MEAF6: variants seen among roughly 807,000 people sequenced by gnomAD.
MEAF6 encodes MYST/Esa1 associated factor 6.
Under a neutral mutation model 28.9 loss-of-function variants are expected in MEAF6, and 15 were observed. The ratio of observed to expected loss-of-function variants is 0.52; its 90% CI spans 0.35 to 0.80. The LOEUF (loss-of-function observed/expected upper bound fraction) is 0.80, where lower values mean the gene tolerates loss of function less well. Ranked by LOEUF, MEAF6 falls within the 30% of genes least tolerant of loss-of-function variation. The pLI, the probability that MEAF6 is intolerant of heterozygous loss-of-function variation, is 0.01. For missense variants in MEAF6, 178 were observed against 237.5 expected (o/e 0.75, Z 1.65); for synonymous variants, 97 against 88.7 (o/e 1.09, Z -0.53).
intron 4 of MEAF6, among the ~76,000 whole-genome samples, chr1:37,506,139 C>T (rs1384931007): frequency 2.6e-5 from 4 of 152,008 alleles, no homozygotes; most frequent in East Asian, 1.9e-4. Flanking sequence ...GGCATGGTGG[C>T]GCGTGCCTGT....
Position 37,510,322 on chromosome 1 carries a change from C to T in MEAF6, c.207-780G>A, listed in dbSNP as rs187266881. On this transcript the variant is annotated intron_variant, in intron 2 of 6. Coordinates refer to ENST00000296214, the MANE Select transcript of MEAF6 (RefSeq NM_001270875.3). ...GGTCTCGAACTCCTGACCTCATGAT[C>T]TGCCCACCTCAGCCTACCAAAGTGC... is the stretch of plus-strand genomic sequence containing the variant. Among the ~76,000 whole-genome samples the T allele has an allele frequency of 3.3e-5, 5 of 150,414 alleles. No homozygotes were observed. In the East Asian group the frequency reaches 9.8e-4, roughly 30 times the overall value.
chr1:37,510,888 A>C (rs1642648183), intron 2 of MEAF6, among the ~76,000 whole-genome samples: 1 of 151,772 alleles, frequency 6.6e-6, no homozygotes, highest in Non-Finnish European at 1.5e-5. Context: ...ACGTCCGGCT[A>C]ATTTTGTACT....
rs373453764 is a variant in MEAF6 at position 37,494,125 on chromosome 1, A to G, written c.568-18T>C. Reference sequence around the variant, plus strand: ...TAATAGTCCTAAAGAAAGAAAAACAAAAGTCCCAACTTACTCTCGGCAGAA... The same window carrying G: ...TAATAGTCCTAAAGAAAGAAAAACAGAAGTCCCAACTTACTCTCGGCAGAA... On this transcript the variant is annotated intron_variant, in intron 6 of 6. Transcript: ENST00000296214. 5.6e-6 allele frequency: 9 copies of G among 1,606,862 alleles called. No individual in the cohort carries two copies. The South Asian group carries it at 7.7e-5, about 14-fold the overall frequency.
chr1:37,513,650 A>C, intron 1 of MEAF6, 112 bp from the exon 2 acceptor site: 1 of 824,820 alleles, frequency 1.2e-6, no homozygotes, highest in South Asian at 1.4e-5. Context: ...GCCCACACTA[A>C]ACCACCCTGT....
chr1:37,504,800 T>TACACACACACACACACACAC lies in MEAF6; in HGVS notation c.341-2824_341-2805dup, dbSNP rs143477333. On this transcript the variant is annotated intron_variant, in intron 4 of 6. Coordinates refer to ENST00000296214, the MANE Select transcript of MEAF6 (RefSeq NM_001270875.3). ...AAAAAAAAAAAAAAAAAAATTTATA[T>TACACACACACACACACACAC]ACACACACACACACACACACACACA... 3.0e-5 allele frequency among the ~76,000 whole-genome samples: 4 copies of TACACACACACACACACACAC among 135,178 alleles called. No individual in the cohort carries two copies. The East Asian group carries it at 6.4e-4, about 22-fold the overall frequency. The allele number at this position is 135,178 out of a possible 152,430, so 88.7% of individuals were successfully genotyped here. A position where few individuals can be genotyped will look rare whatever the true frequency, so the allele number is the denominator to read the frequency against.
intron 2 of MEAF6, among the ~76,000 whole-genome samples, chr1:37,512,733 A>G (rs1642708887): frequency 1.3e-5 from 2 of 152,176 alleles, no homozygotes; most frequent in South Asian, 4.1e-4. Flanking sequence ...CTACAAAAAA[A>G]AGTTTTTAAT....
At position 37,506,202 on chromosome 1, in the gene MEAF6, T is replaced by C. The variant is rs1283847796; in HGVS notation, c.340+3076A>G. ...AAGAGAATCTCTTGAACCCAGGAGG[T>C]GGAGGTTGTGGTGAGCCAAGATAGT... On this transcript the variant is annotated intron_variant, in intron 4 of 6. Transcript: ENST00000296214. Among the ~76,000 whole-genome samples, 4 of 150,408 alleles carry C rather than the reference T, an allele frequency of 2.7e-5. No homozygotes were observed. The Admixed American group carries it at 2.7e-4, about 10-fold the overall frequency.
chr1:37,504,995 T>C (rs983066749), intron 4 of MEAF6, among the ~76,000 whole-genome samples: 3 of 151,824 alleles, frequency 2.0e-5, no homozygotes, highest in Non-Finnish European at 4.4e-5. Context: ...ACGGTTCCCC[T>C]GCCTCAGCCT....
At chr1:37,496,126 G>A (rs2148062380) in intron 5 of MEAF6, among the ~76,000 whole-genome samples, 1 of 152,266 alleles carries the variant, frequency 6.6e-6, no homozygotes, top group South Asian at 2.1e-4. Context: ...TTGCCCTAAG[G>A]CAAACTTAGC....
At chr1:37,503,658 CAA>C (rs773565571) in intron 4 of MEAF6, among the ~76,000 whole-genome samples, 3 of 47,920 alleles carry the variant, frequency 6.3e-5, no homozygotes, top group Admixed American at 2.3e-4. Context: ...AAGACTGTCT[CAA>C]AAAAAAAAAA....
rs1297956475 is a variant in MEAF6 at position 37,492,664 on chromosome 1, A to T, written c.*1435T>A. 6.6e-6 allele frequency: 1 copy of T among 152,414 alleles called. No homozygotes were observed. Among genetic ancestry groups the T allele is most frequent in the Non-Finnish European group, 1.5e-5 (1 of 67,996 alleles). 9.4% of individuals were successfully genotyped at this position (152,414 alleles called of 1,614,324 possible). On this transcript the variant is annotated 3_prime_UTR_variant, in exon 7 of 7. Coordinates refer to ENST00000296214, the MANE Select transcript of MEAF6 (RefSeq NM_001270875.3). Reference sequence around the variant, plus strand: ...ACTTGTTTTACAGTAGATGCCATCCATATTCAGCCCTACCAATACTATCAC... The same window carrying T: ...ACTTGTTTTACAGTAGATGCCATCCTTATTCAGCCCTACCAATACTATCAC...
intron 4 of MEAF6, among the ~76,000 whole-genome samples, chr1:37,505,462 T>C (rs1322387394): frequency 6.6e-6 from 1 of 152,172 alleles, no homozygotes; most frequent in Non-Finnish European, 1.5e-5. Context: ...TTGTAAACTT[T>C]CTTAAAACAC....
At chr1:37,503,593 C>T (rs1228574549) in intron 4 of MEAF6, among the ~76,000 whole-genome samples, 4 of 145,900 alleles carry the variant, frequency 2.7e-5, no homozygotes, top group Non-Finnish European at 5.9e-5. Flanking sequence ...AAGTTTGAGG[C>T]TGCAGTGAGC....
chr1:37,506,144 G>A (rs1167633296), intron 4 of MEAF6, among the ~76,000 whole-genome samples: 1 of 152,040 alleles, frequency 6.6e-6, no homozygotes, highest in Non-Finnish European at 1.5e-5. Context: ...GGTGGCGCGT[G>A]CCTGTCGTCC....
intron 4 of MEAF6, among the ~76,000 whole-genome samples, chr1:37,507,811 C>G (rs186108879): frequency 1.4e-5 from 2 of 146,304 alleles, no homozygotes; most frequent in African/African-American, 2.5e-5. Context: ...GGCAACAGAG[C>G]GAGACTCCGT....
Position 37,513,493 on chromosome 1 carries a change from T to C in MEAF6, c.136A>G (p.Ser46Gly), listed in dbSNP as rs1175048921. 1 of 1,614,238 alleles carries C rather than the reference T, an allele frequency of 6.2e-7. No individual in the cohort carries two copies. The highest frequency in any genetic ancestry group is 1.7e-5 in the Admixed American group (1 of 60,024). ...TACATCTGAGTGTCTTCCAGGTAGC[T>C]TCCCTCAAAAGCATAGATCTGTCGC... is the stretch of plus-strand genomic sequence containing the variant. ...LERQIYAFEG[S>G]YLEDTQMYGN... Residue 46 changes from serine to glycine, a missense_variant, in exon 2 of 7, where the codon AGC becomes GGC. Transcript: ENST00000296214.
intron 2 of MEAF6, among the ~76,000 whole-genome samples, chr1:37,511,687 T>C (rs1386935671): frequency 6.6e-6 from 1 of 152,224 alleles, no homozygotes; most frequent in African/African-American, 2.4e-5. Context: ...CAAAAATGTT[T>C]AAAGGATCTT....
At chr1:37,514,621 GC>G in intron 1 of MEAF6, 35 bp downstream of exon 1, 1 of 1,451,794 alleles carries the variant, frequency 6.9e-7, no homozygotes, top group Non-Finnish European at 9.1e-7. Context: ...CGGGCGCGGA[GC>G]CCCATGCCGT....
At chr1:37,510,779 A>G (rs1385232346) in intron 2 of MEAF6, among the ~76,000 whole-genome samples, 1 of 151,660 alleles carries the variant, frequency 6.6e-6, no homozygotes, top group Non-Finnish European at 1.5e-5. Flanking sequence ...CTGGACTGCA[A>G]TGGCGCGAGC....
Sources: gnomAD v4.1 joint callset for allele counts (sites outside exome capture counted in the v4.1 genomes callset) on GRCh38, gnomAD v4.1.1 for gene constraint, MANE v1.5 for transcripts, NCBI Gene and HGNC (gene_info 2026-07-23, HGNC 2026-07-21) for gene names.